Variants in CMSS1 observed in about 807,000 individuals in gnomAD.
CMSS1 encodes cms1 ribosomal small subunit homolog.
A neutral mutation model predicts 43.5 loss-of-function variants in CMSS1; 33 were observed. The observed-to-expected ratio is 0.76, with a 90% CI of 0.57 to 1.01. CMSS1 has a LOEUF of 1.01. CMSS1 is among the 50% of genes least tolerant of loss of function. The pLI is 0.00. For missense variants in CMSS1, 313 were observed against 326.4 expected, an observed-to-expected ratio of 0.96 and a Z score of 0.32; for synonymous variants, 115 against 117.2, an observed-to-expected ratio of 0.98 and a Z score of 0.12.
chr3:99,951,959 A>G (rs772542662), intron 1 of CMSS1, among the ~76,000 whole-genome samples: 10 of 152,248 alleles, frequency 6.6e-5, no homozygotes, highest in Admixed American at 3.9e-4. Context: ...GAGAGAACCT[A>G]TAAGTAAGTC....
intron 1 of CMSS1, chr3:99,830,459 T>C (rs1047675830): frequency 6.4e-5 from 29 of 456,208 alleles, no homozygotes; most frequent in Non-Finnish European, 1.1e-4. Flanking sequence ...AGGTGACAGT[T>C]CTCACGATGT....
intron 1 of CMSS1, chr3:99,931,098 G>A: frequency 7.8e-7 from 1 of 1,276,482 alleles, no homozygotes; most frequent in Non-Finnish European, 1.1e-6. Context: ...ACCTATTACT[G>A]CTTTAACAAG....
chr3:99,912,557 T>A (rs1012754069), intron 1 of CMSS1, among the ~76,000 whole-genome samples: 1 of 152,096 alleles, frequency 6.6e-6, no homozygotes, highest in African/African-American at 2.4e-5. Flanking sequence ...TTTGTATTTT[T>A]TGTAGAGATG....
In CMSS1 at chr3:99,930,996, C is replaced by T. The variant is rs200315201; in HGVS notation, c.64+112953C>T. The T allele has an allele frequency of 5.8e-5, 94 of 1,613,492 alleles. No individual in the cohort carries two copies. The highest frequency in any genetic ancestry group is 5.1e-4 in the African/African-American group (38 of 74,714). ...GGAAATTTCTTTTGGGCTGAGCCCT[C>T]GGTATCACTGCCTCTGGAACGCATT... On this transcript the variant is annotated intron_variant, in intron 1 of 9. Coordinates refer to ENST00000421999, the MANE Select transcript of CMSS1 (RefSeq NM_032359.4).
chr3:99,987,752 TTGAAA>T (rs1388309105), intron 1 of CMSS1, among the ~76,000 whole-genome samples: 1 of 152,192 alleles, frequency 6.6e-6, no homozygotes, highest in African/African-American at 2.4e-5. Flanking sequence ...TGAAACTTTT[TTGAAA>T]TTCCATTTTA....
intron 1 of CMSS1, among the ~76,000 whole-genome samples, chr3:99,891,352 A>G (rs1462155963): frequency 2.0e-5 from 3 of 152,138 alleles, no homozygotes; most frequent in East Asian, 1.9e-4. Flanking sequence ...TACATGCCCT[A>G]TGATGTCATG....
intron 1 of CMSS1, among the ~76,000 whole-genome samples, chr3:99,818,360 A>T (rs909468691): frequency 2.6e-5 from 4 of 152,316 alleles, no homozygotes; most frequent in Non-Finnish European, 5.9e-5. Flanking sequence ...AGGGTGACCC[A>T]TGAACTGCTT....
rs1242985137 is a variant in CMSS1, at chr3:100,065,991, C to T, written c.65-80982C>T. Among the ~76,000 whole-genome samples the T allele has an allele frequency of 2.6e-5, 4 of 152,310 alleles. No individual in the cohort carries two copies. In the East Asian group the frequency reaches 7.7e-4, roughly 29 times the overall value. On this transcript the variant is annotated intron_variant, in intron 1 of 9. Transcript: ENST00000421999. ...AATCAGAAACTCTGGGAATGCGACC[C>T]AGCAATATGTACTTTTAAAACCCTT... is the stretch of plus-strand genomic sequence containing the variant.
At chr3:99,974,664 G>A (rs1287784933) in intron 1 of CMSS1, among the ~76,000 whole-genome samples, 2 of 152,102 alleles carry the variant, frequency 1.3e-5, no homozygotes, top group South Asian at 2.1e-4. Flanking sequence ...CCAAGGTCAT[G>A]CCATTGCACT....
At chr3:100,135,453 T>C (rs1176105598) in intron 1 of CMSS1, among the ~76,000 whole-genome samples, 5 of 146,486 alleles carry the variant, frequency 3.4e-5, no homozygotes, top group Admixed American at 2.0e-4. Context: ...TGTGTGTGTG[T>C]GTGTGTGTGT....
chr3:99,867,015 TGA>T, intron 1 of CMSS1, among the ~76,000 whole-genome samples: 2 of 152,366 alleles, frequency 1.3e-5, no homozygotes, highest in South Asian at 4.1e-4. Flanking sequence ...TTCTGAATAC[TGA>T]GAAGACAGAA....
chr3:99,952,139 G>T (rs7632345), intron 1 of CMSS1, among the ~76,000 whole-genome samples: 15,000 of 151,650 alleles, frequency 0.099, 902 homozygotes, highest in African/African-American at 0.16. Flanking sequence ...GTTAAGAGTC[G>T]CACAGACCAC....
chr3:100,073,527 T>G (rs897860809), intron 1 of CMSS1, among the ~76,000 whole-genome samples: 3 of 152,178 alleles, frequency 2.0e-5, no homozygotes. Context: ...ATCTTGAGGT[T>G]TTCTTGAATC....
intron 1 of CMSS1, among the ~76,000 whole-genome samples, chr3:100,027,585 C>T (rs2064949464): frequency 6.6e-6 from 1 of 152,140 alleles, no homozygotes; most frequent in Admixed American, 6.6e-5. Flanking sequence ...CTCCTACTTC[C>T]ACCCTGCTCA....
At chr3:99,925,111 T>C (rs1707249845) in intron 1 of CMSS1, among the ~76,000 whole-genome samples, 1 of 152,170 alleles carries the variant, frequency 6.6e-6, no homozygotes, top group Admixed American at 6.5e-5. Flanking sequence ...CACCCTATAG[T>C]TCTCTGTACC....
At chr3:99,960,198 T>C (rs1708451235) in intron 1 of CMSS1, among the ~76,000 whole-genome samples, 1 of 152,198 alleles carries the variant, frequency 6.6e-6, no homozygotes, top group Admixed American at 6.5e-5. Flanking sequence ...GTTTGACATC[T>C]TGGAAACGGC....
intron 1 of CMSS1, among the ~76,000 whole-genome samples, chr3:99,998,815 C>T (rs758238807): frequency 2.0e-4 from 30 of 152,336 alleles, no homozygotes; most frequent in Non-Finnish European, 2.8e-4. Context: ...GTGATCCGCC[C>T]GCCTTAGCCT....
chr3:99,962,120 G>A (rs181717985), intron 1 of CMSS1, among the ~76,000 whole-genome samples: 11 of 152,274 alleles, frequency 7.2e-5, no homozygotes, highest in African/African-American at 2.6e-4. Context: ...AGGAGAGGAA[G>A]GTATTCCAGG....
chr3:99,829,766 G>A (rs1216867492), intron 1 of CMSS1, among the ~76,000 whole-genome samples: 1 of 152,180 alleles, frequency 6.6e-6, no homozygotes, highest in Non-Finnish European at 1.5e-5. Context: ...ATATCTCAAT[G>A]TTACTGAGAC....
Sources: gnomAD v4.1 joint callset for allele counts (sites outside exome capture counted in the v4.1 genomes callset) on GRCh38, gnomAD v4.1.1 for gene constraint, MANE v1.5 for transcripts, NCBI Gene and HGNC (gene_info 2026-07-23, HGNC 2026-07-21) for gene names.